PIK3C2G: variants seen among roughly 807,000 people sequenced by gnomAD.
PIK3C2G encodes phosphatidylinositol 3-kinase C2 domain-containing subunit gamma.
PIK3C2G carries 168 observed loss-of-function variants against 181.1 expected under a neutral mutation model. The ratio of observed to expected loss-of-function variants is 0.93; its 90% CI spans 0.82 to 1.05. The LOEUF (loss-of-function observed/expected upper bound fraction) is 1.05. PIK3C2G is among the 50% of genes least tolerant of loss of function. The pLI is 0.00. For synonymous variants in PIK3C2G, 573 were observed against 592.2 expected, an observed-to-expected ratio of 0.97 and a Z score of 0.47; for missense variants, 1,869 against 1,732.8, an observed-to-expected ratio of 1.08 and a Z score of -1.40.
At chr12:18,451,028 T>C (rs952536642) in intron 18 of PIK3C2G, among the ~76,000 whole-genome samples, 4 of 152,194 alleles carry the variant, frequency 2.6e-5, no homozygotes, top group Admixed American at 2.0e-4. Flanking sequence ...CCAGCTTTGT[T>C]CTTTTTGCTT....
the PIK3C2G span, among the ~76,000 whole-genome samples, chr12:18,656,180 G>A: frequency 1.3e-5 from 2 of 152,150 alleles, no homozygotes; most frequent in African/African-American, 4.8e-5. Flanking sequence ...TGTAATCCCA[G>A]CACTTTGTGA....
chr12:18,296,157 C>T (rs187877763), intron 5 of PIK3C2G, among the ~76,000 whole-genome samples: 4 of 152,042 alleles, frequency 2.6e-5, no homozygotes, highest in African/African-American at 9.6e-5. Flanking sequence ...TTAGTTAAGA[C>T]CCTATATTTC....
At chr12:18,439,929 G>A (rs1427258637) in intron 18 of PIK3C2G, among the ~76,000 whole-genome samples, 1 of 152,020 alleles carries the variant, frequency 6.6e-6, no homozygotes, top group Non-Finnish European at 1.5e-5. Flanking sequence ...ACCAGTTTGT[G>A]TTTCACATAT....
intron 16 of PIK3C2G, among the ~76,000 whole-genome samples, chr12:18,416,307 C>A (rs1945174697): frequency 6.6e-6 from 1 of 152,024 alleles, no homozygotes; most frequent in African/African-American, 2.4e-5. Flanking sequence ...GTATTTGTAA[C>A]CTAAAGGTGA....
At chr12:18,695,033 A>G in the PIK3C2G span, 2 of 1,613,112 alleles carry the variant, frequency 1.2e-6, no homozygotes, top group Non-Finnish European at 8.5e-7. Flanking sequence ...AAAATTTCCC[A>G]TTTTGCAGAT....
At chr12:18,412,799 A>G (rs1008708261) in intron 16 of PIK3C2G, among the ~76,000 whole-genome samples, 8 of 152,200 alleles carry the variant, frequency 5.3e-5, no homozygotes, top group African/African-American at 1.9e-4. Context: ...CCACTGTTGT[A>G]CAACAAATCC....
chr12:18,670,311 C>T, the PIK3C2G span, among the ~76,000 whole-genome samples: 3 of 151,704 alleles, frequency 2.0e-5, no homozygotes, highest in African/African-American at 4.9e-5. Flanking sequence ...CACACACACA[C>T]AACATCAGAA....
At chr12:18,288,132 A>C (rs1276062622) in intron 3 of PIK3C2G, among the ~76,000 whole-genome samples, 2 of 152,196 alleles carry the variant, frequency 1.3e-5, no homozygotes, top group Non-Finnish European at 2.9e-5. Context: ...ACTGCACTCT[A>C]GCCTGGGTGA....
At chr12:18,565,246 A>G (rs1398613449) in intron 28 of PIK3C2G, among the ~76,000 whole-genome samples, 2 of 152,218 alleles carry the variant, frequency 1.3e-5, no homozygotes. Flanking sequence ...TCAGAAAGTC[A>G]GAGTCATGAA....
intron 32 of PIK3C2G, among the ~76,000 whole-genome samples, chr12:18,646,067 A>G (rs576092128): frequency 6.6e-6 from 1 of 152,286 alleles, no homozygotes; most frequent in South Asian, 2.1e-4. Flanking sequence ...TCCAGGCAGC[A>G]TTGGGCATCC....
rs576646006 is a variant in PIK3C2G, at chr12:18,594,394, A to G, written c.4012-100A>G. The G allele has an allele frequency of 3.2e-5, 20 of 629,066 alleles. No homozygotes were observed. The South Asian group carries it at 3.5e-4, about 11-fold the overall frequency. The allele number at this position is 629,066 out of a possible 1,614,324, so 39.0% of individuals were successfully genotyped here. On this transcript the variant is annotated intron_variant, in intron 29 of 32. Transcript: ENST00000538779. The stretch of plus-strand genomic sequence containing the variant: ...TCTATTTGTAGAATCTATAACAGGT[A>G]TCTATTTTAAAATGATATATATGGC...
At chr12:18,313,288 AAAGG>A (rs1297101658) in intron 5 of PIK3C2G, among the ~76,000 whole-genome samples, 2 of 152,216 alleles carry the variant, frequency 1.3e-5, no homozygotes, top group African/African-American at 4.8e-5. Context: ...AAAGAAAGAG[AAAGG>A]AAGGAAGACA....
chr12:18,569,407 T>C (rs1307572594), intron 29 of PIK3C2G, among the ~76,000 whole-genome samples: 3 of 152,136 alleles, frequency 2.0e-5, no homozygotes, highest in South Asian at 4.1e-4. Context: ...TAAGAGATAA[T>C]AATAGAATGA....
rs1944498249 is a variant in PIK3C2G at position 18,547,576 on chromosome 12, G to A, written c.3590+1144G>A. Among the ~76,000 whole-genome samples, 3 of 151,884 alleles carry A rather than the reference G, an allele frequency of 2.0e-5. No individual in the cohort carries two copies. In the South Asian group the frequency reaches 6.2e-4, roughly 32 times the overall value. On this transcript the variant is annotated intron_variant, in intron 26 of 32. Transcript: ENST00000538779. Reference sequence around the variant, plus strand: ...AACAGTGTCTGGTCCCTCTAGTCCTGGGTTTTTCCAGTACTCAATATTGGA... The same window carrying A: ...AACAGTGTCTGGTCCCTCTAGTCCTAGGTTTTTCCAGTACTCAATATTGGA...
chr12:18,724,305 C>A, the PIK3C2G span, among the ~76,000 whole-genome samples: 1 of 151,706 alleles, frequency 6.6e-6, no homozygotes, highest in South Asian at 2.1e-4. Flanking sequence ...CAGAAGAATT[C>A]GACACAATGA....
chr12:18,645,407 C>G (rs1950069716), intron 32 of PIK3C2G, among the ~76,000 whole-genome samples: 1 of 152,166 alleles, frequency 6.6e-6, no homozygotes, highest in East Asian at 1.9e-4. Flanking sequence ...AAGAAAATAA[C>G]TTTTCTTAAT....
chr12:18,582,877 C>T (rs1319631747), intron 29 of PIK3C2G, among the ~76,000 whole-genome samples: 2 of 151,972 alleles, frequency 1.3e-5, no homozygotes, highest in African/African-American at 4.8e-5. Flanking sequence ...CTGGTATCAC[C>T]AGCCACTCTC....
chr12:18,675,558 A>T, the PIK3C2G span, among the ~76,000 whole-genome samples: 5 of 152,178 alleles, frequency 3.3e-5, no homozygotes, highest in Non-Finnish European at 5.9e-5. Flanking sequence ...TATCAAAAAC[A>T]TACCTGCACC....
At chr12:18,599,858 A>G (rs1379648356) in intron 30 of PIK3C2G, among the ~76,000 whole-genome samples, 1 of 151,936 alleles carries the variant, frequency 6.6e-6, no homozygotes, top group East Asian at 1.9e-4. Context: ...ATTAAATAAG[A>G]GAATTTTATA....
Sources: gnomAD v4.1 joint callset for allele counts (sites outside exome capture counted in the v4.1 genomes callset) on GRCh38, gnomAD v4.1.1 for gene constraint, MANE v1.5 for transcripts, NCBI Gene and HGNC (gene_info 2026-07-23, HGNC 2026-07-21) for gene names.